GLIS3: variants seen among roughly 807,000 people sequenced by gnomAD.
GLIS3 encodes zinc finger protein GLIS3.
Under a neutral mutation model 78.6 loss-of-function variants are expected in GLIS3, and 53 were observed. The ratio of observed to expected loss-of-function variants is 0.67; its 90% CI spans 0.54 to 0.85. The LOEUF (loss-of-function observed/expected upper bound fraction) is 0.85. GLIS3 is among the 40% of genes least tolerant of loss of function. The probability of loss-of-function intolerance (pLI) is 0.00; values close to 1 mark genes in which losing one functional copy is unlikely to be tolerated. For synonymous variants in GLIS3, 684 were observed against 509.9 expected, an observed-to-expected ratio of 1.34 and a Z score of -4.60; for missense variants, 1,703 against 1,231.1, an observed-to-expected ratio of 1.38 and a Z score of -5.74.
intron 2 of GLIS3, among the ~76,000 whole-genome samples, chr9:4,276,585 T>C (rs1011906047): frequency 4.7e-5 from 7 of 148,604 alleles, no homozygotes; most frequent in Admixed American, 2.7e-4. Flanking sequence ...AGAAAGAAAA[T>C]GCTATAGGTG....
intron 2 of GLIS3, among the ~76,000 whole-genome samples, chr9:4,334,932 G>A (rs868459040): frequency 4.7e-4 from 38 of 81,216 alleles, no homozygotes; most frequent in Middle Eastern, 7.9e-3. Context: ...TTTTTGAAAC[G>A]GAGTCTTGCT....
chr9:4,146,896 A>G (rs1209338102), intron 2 of GLIS3, among the ~76,000 whole-genome samples: 4 of 152,214 alleles, frequency 2.6e-5, no homozygotes, highest in Admixed American at 6.5e-5. Context: ...ACTCATTCTG[A>G]AGAGTATTAC....
At chr9:3,837,899 T>C (rs1373700402) in intron 9 of GLIS3, among the ~76,000 whole-genome samples, 2 of 152,046 alleles carry the variant, frequency 1.3e-5, no homozygotes, top group African/African-American at 4.8e-5. Flanking sequence ...AGCTGTGGAC[T>C]TTGAGTGAAA....
At chr9:4,421,254 T>C in the GLIS3 span, among the ~76,000 whole-genome samples, 2 of 152,156 alleles carry the variant, frequency 1.3e-5, no homozygotes, top group Non-Finnish European at 1.5e-5. Flanking sequence ...CACAGGACTC[T>C]CTCGTCCCAC....
intron 2 of GLIS3, among the ~76,000 whole-genome samples, chr9:4,154,576 T>TAAC (rs2131054633): frequency 6.6e-6 from 1 of 150,908 alleles, no homozygotes; most frequent in African/African-American, 2.4e-5. Context: ...CACAAAGAGT[T>TAAC]AAAGACTTAC....
At chr9:4,146,468 A>G (rs2131014278) in intron 2 of GLIS3, among the ~76,000 whole-genome samples, 1 of 152,332 alleles carries the variant, frequency 6.6e-6, no homozygotes, top group South Asian at 2.1e-4. Context: ...CAGGCTGCCT[A>G]TTGCCAGTCT....
At chr9:4,320,964 C>G (rs530011272) in intron 2 of GLIS3, among the ~76,000 whole-genome samples, 5 of 152,076 alleles carry the variant, frequency 3.3e-5, no homozygotes, top group African/African-American at 1.2e-4. Context: ...CCACAGCTCT[C>G]GAGATACAAA....
chr9:4,196,780 G>C (rs775002137), intron 2 of GLIS3, among the ~76,000 whole-genome samples: 3 of 152,174 alleles, frequency 2.0e-5, no homozygotes, highest in Non-Finnish European at 4.4e-5. Flanking sequence ...GTGAGACCAA[G>C]AACCCCCCAA....
the GLIS3 span, among the ~76,000 whole-genome samples, chr9:4,357,428 G>C: frequency 6.6e-6 from 1 of 152,160 alleles, no homozygotes; most frequent in East Asian, 1.9e-4. Flanking sequence ...GTTTGGACTA[G>C]ATTTTACACT....
intron 4 of GLIS3, among the ~76,000 whole-genome samples, chr9:4,107,750 C>T (rs1179753110): frequency 7.6e-6 from 1 of 132,078 alleles, no homozygotes; most frequent in Middle Eastern, 4.0e-3. Context: ...ACACAGGTTA[C>T]CTAAAAAAAA....
At chr9:4,427,145 A>G in the GLIS3 span, among the ~76,000 whole-genome samples, 1 of 152,208 alleles carries the variant, frequency 6.6e-6, no homozygotes, top group African/African-American at 2.4e-5. Context: ...TATTTTATGC[A>G]TGGGTGAGAG....
chr9:4,466,960 G>C, the GLIS3 span, among the ~76,000 whole-genome samples: 3 of 152,240 alleles, frequency 2.0e-5, no homozygotes, highest in African/African-American at 4.8e-5. Context: ...AACAGTCTTA[G>C]CAAATGGCAC....
chr9:3,861,631 T>C (rs1193622172), intron 8 of GLIS3, among the ~76,000 whole-genome samples: 1 of 152,198 alleles, frequency 6.6e-6, no homozygotes, highest in Non-Finnish European at 1.5e-5. Flanking sequence ...TCATGTAATT[T>C]GCAGGGACAT....
intron 2 of GLIS3, among the ~76,000 whole-genome samples, chr9:4,239,873 G>A (rs939322619): frequency 6.6e-6 from 1 of 152,186 alleles, no homozygotes; most frequent in African/African-American, 2.4e-5. Flanking sequence ...ATGGCACTTT[G>A]TATTTCCTAA....
chr9:3,876,716 A>G (rs1367130099), intron 8 of GLIS3, among the ~76,000 whole-genome samples: 4 of 122,742 alleles, frequency 3.3e-5, no homozygotes, highest in Non-Finnish European at 6.9e-5. Context: ...AAGGAAAGAA[A>G]GGCAAAATAT....
intron 2 of GLIS3, among the ~76,000 whole-genome samples, chr9:4,339,705 C>G (rs1482863730): frequency 8.2e-6 from 1 of 121,622 alleles, no homozygotes; most frequent in Non-Finnish European, 1.7e-5. Context: ...AGCCAGATAA[C>G]AATGCAATGA....
intron 2 of GLIS3, among the ~76,000 whole-genome samples, chr9:4,274,455 T>C (rs766605242): frequency 1.3e-5 from 2 of 151,990 alleles, no homozygotes; most frequent in East Asian, 1.9e-4. Flanking sequence ...TCACTGGCAA[T>C]TGGGCATATG....
chr9:4,317,118 G>A (rs891874752), intron 2 of GLIS3, among the ~76,000 whole-genome samples: 6 of 152,140 alleles, frequency 3.9e-5, no homozygotes, highest in Admixed American at 2.6e-4. Context: ...TATTGGCTAA[G>A]AAAAAGAAAG....
chr9:4,051,501 T>A (rs959218353), intron 4 of GLIS3, among the ~76,000 whole-genome samples: 1 of 152,100 alleles, frequency 6.6e-6, no homozygotes, highest in African/African-American at 2.4e-5. Context: ...CTCCACCTCC[T>A]AATAACTATG....
Sources: gnomAD v4.1 joint callset for allele counts (sites outside exome capture counted in the v4.1 genomes callset) on GRCh38, gnomAD v4.1.1 for gene constraint, MANE v1.5 for transcripts, NCBI Gene and HGNC (gene_info 2026-07-23, HGNC 2026-07-21) for gene names.